HDAC4: variants seen among roughly 807,000 people sequenced by gnomAD.
HDAC4 encodes histone deacetylase 4.
Under a neutral mutation model 135.1 loss-of-function variants are expected in HDAC4, and 16 were observed. That is an observed-to-expected ratio of 0.12 (90% confidence interval 0.08 to 0.18). HDAC4 has a LOEUF of 0.18. Ranked by LOEUF, HDAC4 falls within the 10% of genes least tolerant of loss-of-function variation. The pLI is 1.00. For missense variants in HDAC4, 1,143 were observed against 1,511.8 expected (o/e 0.76, Z 4.05); for synonymous variants, 685 against 653.4 (o/e 1.05, Z -0.74).
intron 2 of HDAC4, among the ~76,000 whole-genome samples, chr2:239,320,536 CTGT>C (rs2053274671): frequency 6.6e-6 from 1 of 152,176 alleles, no homozygotes; most frequent in African/African-American, 2.4e-5. Context: ...TAGGACTCTT[CTGT>C]TATGTAAAAA....
At position 239,120,391 on chromosome 2, in the gene HDAC4, A is replaced by AGAC. The variant is rs773188670; in HGVS notation, c.1534-5084_1534-5082dup. On this transcript the variant is annotated intron_variant, in intron 12 of 26. Transcript: ENST00000543185. ...TACATATACCCGCAGAGGCACACACAGACGCACACAGACACACACACACAG... is the reference window on the plus strand; with the variant it reads ...TACATATACCCGCAGAGGCACACACAGACGACGCACACAGACACACACACACAG... 1.1e-4 allele frequency among the ~76,000 whole-genome samples: 17 copies of AGAC among 150,006 alleles called. No homozygotes were observed. The Middle Eastern group carries it at 0.014, about 121-fold the overall frequency.
At chr2:239,081,610 G>A (rs958962566) in intron 21 of HDAC4, among the ~76,000 whole-genome samples, 5 of 152,248 alleles carry the variant, frequency 3.3e-5, no homozygotes, top group Admixed American at 1.3e-4. Context: ...CAGACGGAGC[G>A]TCTTCCTGGA....
intron 2 of HDAC4, among the ~76,000 whole-genome samples, chr2:239,269,898 C>G: frequency 6.6e-6 from 1 of 152,246 alleles, no homozygotes; most frequent in East Asian, 1.9e-4. Flanking sequence ...TGGCTCGGAT[C>G]TCATCCCAGC....
intron 4 of HDAC4, among the ~76,000 whole-genome samples, chr2:239,180,588 A>G (rs1164545043): frequency 4.6e-5 from 7 of 152,246 alleles, no homozygotes; most frequent in Non-Finnish European, 1.0e-4. Context: ...AAAACTCCTC[A>G]TTCTTCCATT....
chr2:239,282,344 C>A (rs139483975), intron 2 of HDAC4, among the ~76,000 whole-genome samples: 2 of 115,632 alleles, frequency 1.7e-5, no homozygotes, highest in Admixed American at 1.0e-4. Flanking sequence ...ACACCACTCT[C>A]CACACAATGT....
At chr2:239,386,181 T>C (rs927978939) in intron 1 of HDAC4, among the ~76,000 whole-genome samples, 2 of 151,760 alleles carry the variant, frequency 1.3e-5, no homozygotes, top group African/African-American at 4.8e-5. Flanking sequence ...GGCCTGTGTC[T>C]CGGAGGTTCA....
chr2:239,085,880 ACTAT>A (rs768785405), intron 19 of HDAC4: 2 of 144,638 alleles, frequency 1.4e-5, no homozygotes, highest in Non-Finnish European at 3.0e-5. Context: ...TGCGGATCTG[ACTAT>A]CTCTCACGTA....
At chr2:239,290,145 T>G (rs1207386888) in intron 2 of HDAC4, among the ~76,000 whole-genome samples, 1 of 152,196 alleles carries the variant, frequency 6.6e-6, no homozygotes, top group African/African-American at 2.4e-5. Flanking sequence ...TTCACTCAAG[T>G]CTTGTCATTC....
In HDAC4 at chr2:239,352,160, G is replaced by T. The variant is rs1262474367; in HGVS notation, c.22+518C>A. Among the ~76,000 whole-genome samples, 1 of 152,198 alleles carries T rather than the reference G, an allele frequency of 6.6e-6. No individual in the cohort carries two copies. The highest frequency in any genetic ancestry group is 2.4e-5 in the African/African-American group (1 of 41,438). ...TACTTCTTCCCTCCAGGCCTGAGAT[G>T]ATCTGGGGCTGTACTAAATGCTTGT... On this transcript the variant is annotated intron_variant, in intron 2 of 26. Coordinates refer to ENST00000543185, the MANE Select transcript of HDAC4 (RefSeq NM_001378414.1). This position sits in a 1 kb window ranked among gnomAD's most constrained non-coding sequence, Gnocchi z 4.4.
intron 1 of HDAC4, among the ~76,000 whole-genome samples, chr2:239,382,057 G>T (rs552183646): frequency 1.3e-5 from 2 of 152,306 alleles, no homozygotes; most frequent in South Asian, 4.1e-4. Flanking sequence ...TAGGGCCAAG[G>T]GCTCTGCTTC....
Position 239,236,639 on chromosome 2 carries a change from T to C in HDAC4, c.48A>G (p.Pro16=). 1 of 1,551,734 alleles carries C rather than the reference T, an allele frequency of 6.4e-7. No individual in the cohort carries two copies. ...HPDGLSGRDQ[P]VELLNPARVN... is the part of the protein sequence containing the mutation. ...CGCGGGCAGGATTCAGCAGCTCCACTGGCTGGTCTCGGCCAGAAAGTCCAT... is the reference window on the plus strand; with the variant it reads ...CGCGGGCAGGATTCAGCAGCTCCACCGGCTGGTCTCGGCCAGAAAGTCCAT... The change falls in exon 3 of 27, where the codon CCA becomes CCG. Residue 16 remains proline, a synonymous_variant. Coordinates refer to ENST00000543185, the MANE Select transcript of HDAC4 (RefSeq NM_001378414.1).
rs563344223 is a variant in HDAC4 at position 239,329,692 on chromosome 2, A to C, written c.22+22986T>G. On this transcript the variant is annotated intron_variant, in intron 2 of 26. Transcript: ENST00000543185. ...GGGCATGAGTCTGACAAGGCTGACT[A>C]AACTAAACCTTGCCAGACACTCAGG... Among the ~76,000 whole-genome samples, 15 of 152,344 alleles carry C rather than the reference A, an allele frequency of 9.8e-5. No individual in the cohort carries two copies. The South Asian group carries it at 2.9e-3, about 29-fold the overall frequency.
Position 239,207,412 on chromosome 2 carries a change from T to C in HDAC4, c.95-17335A>G, listed in dbSNP as rs192765970. The stretch of plus-strand genomic sequence containing the variant: ...AATGAAATGAAATGTAATCATTACA[T>C]ACACTCATATACACCAAAATAATTT... On this transcript the variant is annotated intron_variant, in intron 3 of 26. Transcript: ENST00000543185. 2.5e-3 allele frequency among the ~76,000 whole-genome samples: 379 copies of C among 152,280 alleles called. 1 individual carries two copies. The highest frequency in any genetic ancestry group is 5.4e-3 in the South Asian group (26 of 4,830).
At chr2:239,137,640 T>C (rs3791468) in intron 9 of HDAC4, among the ~76,000 whole-genome samples, 36,936 of 151,930 alleles carry the variant, frequency 0.24, 5,594 homozygotes, top group African/African-American at 0.43. Context: ...CCCCACATCC[T>C]CATCCACTCG....
intron 2 of HDAC4, among the ~76,000 whole-genome samples, chr2:239,261,693 G>A (rs1354544768): frequency 6.6e-6 from 1 of 152,214 alleles, no homozygotes; most frequent in African/African-American, 2.4e-5. Context: ...GCAGAAGTCA[G>A]CGTCCTAAGA....
At chr2:239,279,165 G>A (rs115718255) in intron 2 of HDAC4, among the ~76,000 whole-genome samples, 2,811 of 152,282 alleles carry the variant, frequency 0.018, 44 homozygotes, top group South Asian at 0.037. Context: ...TTTCATAATG[G>A]CTTTTGCTTG....
At chr2:239,212,196 T>C (rs1056525076) in intron 3 of HDAC4, among the ~76,000 whole-genome samples, 23 of 152,256 alleles carry the variant, frequency 1.5e-4, no homozygotes, top group African/African-American at 5.5e-4. Context: ...TTCTAGAGTA[T>C]TCTTAGGAGC....
chr2:239,121,280 ACTT>A (rs2039662783), intron 12 of HDAC4, among the ~76,000 whole-genome samples: 1 of 152,082 alleles, frequency 6.6e-6, no homozygotes, highest in Non-Finnish European at 1.5e-5. Context: ...TTAAAGAAAA[ACTT>A]CAAGAACTCT....
chr2:239,365,590 A>C (rs1694137844), intron 1 of HDAC4, among the ~76,000 whole-genome samples: 1 of 105,492 alleles, frequency 9.5e-6, no homozygotes, highest in Non-Finnish European at 2.1e-5. Context: ...GGACACACAC[A>C]CACACTTGCA....
Sources: gnomAD v4.1 joint callset for allele counts (sites outside exome capture counted in the v4.1 genomes callset) on GRCh38, gnomAD v4.1.1 for gene constraint, Gnocchi (gnomAD v3.1) non-coding constraint, MANE v1.5 for transcripts, NCBI Gene and HGNC (gene_info 2026-07-23, HGNC 2026-07-21) for gene names.